The following MAP3K20 variants were observed in gnomAD, a reference collection of about 807,000 sequenced individuals.
MAP3K20 encodes the protein mitogen-activated protein kinase kinase kinase 20, also known as HCCS-4.
In MAP3K20, 40 loss-of-function variants were observed where a neutral mutation model predicts 85.7. The observed-to-expected ratio is 0.47, with a 90% CI of 0.36 to 0.61. The LOEUF (loss-of-function observed/expected upper bound fraction) is 0.61, where lower values mean the gene tolerates loss of function less well. MAP3K20 is among the 20% of genes least tolerant of loss of function. The probability of loss-of-function intolerance (pLI) is 0.00; values close to 1 mark genes in which losing one functional copy is unlikely to be tolerated. For synonymous variants in MAP3K20, 325 were observed against 327.7 expected (o/e 0.99, Z 0.09); for missense variants, 817 against 961.7 (o/e 0.85, Z 1.99).
chr2:173,120,968 A>G (rs1026397323), intron 2 of MAP3K20, among the ~76,000 whole-genome samples: 1 of 151,654 alleles, frequency 6.6e-6, no homozygotes. Flanking sequence ...CAGCCTCCCA[A>G]AGTGCTGGGA....
chr2:173,119,526 A>C (rs1434829044), intron 2 of MAP3K20, among the ~76,000 whole-genome samples: 1 of 152,188 alleles, frequency 6.6e-6, no homozygotes, highest in Non-Finnish European at 1.5e-5. Context: ...CTGTATTGAC[A>C]CAGGTTAACA....
chr2:173,133,355 T>C (rs1403479542), intron 2 of MAP3K20, among the ~76,000 whole-genome samples: 1 of 152,188 alleles, frequency 6.6e-6, no homozygotes, highest in Non-Finnish European at 1.5e-5. Flanking sequence ...GAAGAAGCTT[T>C]CTCACAATAA....
intron 2 of MAP3K20, among the ~76,000 whole-genome samples, chr2:173,092,167 G>A (rs958415651): frequency 1.3e-5 from 2 of 152,148 alleles, no homozygotes; most frequent in African/African-American, 2.4e-5. Context: ...GTGTAATTGT[G>A]TGATCACCAG....
intron 10 of MAP3K20, chr2:173,210,463 G>T (rs1360132846): frequency 6.6e-6 from 1 of 152,484 alleles, no homozygotes; most frequent in East Asian, 1.9e-4. Context: ...TAAGAAACAA[G>T]AATACTGTTT....
chr2:173,221,690 T>G, intron 11 of MAP3K20: 1 of 1,322,084 alleles, frequency 7.6e-7, no homozygotes, highest in Non-Finnish European at 9.7e-7. Flanking sequence ...AATTCTACTT[T>G]TATTTTTGCT....
In MAP3K20 at chr2:173,133,549, A is replaced by G. The variant is rs925810069; in HGVS notation, c.160-36256A>G. Among the ~76,000 whole-genome samples the G allele has an allele frequency of 2.0e-5, 3 of 152,286 alleles. No homozygotes were observed. The East Asian group carries it at 5.8e-4, about 29-fold the overall frequency. On this transcript the variant is annotated intron_variant, in intron 2 of 19. Coordinates refer to ENST00000375213, the MANE Select transcript of MAP3K20 (RefSeq NM_016653.3). ...GCATACCTTCAGAGAATATGAAGGT[A>G]TGCTGTATAACATTATAGTATGTTT...
intron 1 of MAP3K20, among the ~76,000 whole-genome samples, chr2:173,082,779 A>G (rs1687046693): frequency 1.3e-5 from 2 of 152,210 alleles, no homozygotes; most frequent in Non-Finnish European, 2.9e-5. Flanking sequence ...ACTCAACACA[A>G]CAAGCCCACG....
At chr2:173,111,236 A>C (rs928688904) in intron 2 of MAP3K20, among the ~76,000 whole-genome samples, 2 of 152,122 alleles carry the variant, frequency 1.3e-5, no homozygotes, top group Non-Finnish European at 2.9e-5. Flanking sequence ...TCTTCTTTTG[A>C]GAATTGTCTA....
chr2:173,170,834 A>G (rs1050100680), intron 3 of MAP3K20, among the ~76,000 whole-genome samples: 4 of 152,220 alleles, frequency 2.6e-5, no homozygotes, highest in African/African-American at 9.6e-5. Flanking sequence ...TCACCTAGCT[A>G]GTGGTAGAAC....
At chr2:173,119,204 G>A (rs1559238727) in intron 2 of MAP3K20, among the ~76,000 whole-genome samples, 3 of 152,244 alleles carry the variant, frequency 2.0e-5, no homozygotes, top group African/African-American at 4.8e-5. Context: ...TGGAGAAGGT[G>A]TGTTTGCAGC....
chr2:173,183,324 A>G (rs1277070263), intron 4 of MAP3K20, among the ~76,000 whole-genome samples: 1 of 152,210 alleles, frequency 6.6e-6, no homozygotes, highest in Non-Finnish European at 1.5e-5. Flanking sequence ...GTATCCAGAA[A>G]ACATGATTTA....
In MAP3K20 at chr2:173,198,375, C is replaced by G. The variant is rs1690920373; in HGVS notation, c.669+263C>G. The G allele has an allele frequency of 4.3e-6, 1 of 232,748 alleles. No homozygotes were observed. Among genetic ancestry groups the G allele is most frequent in the East Asian group, 1.1e-4 (1 of 9,390 alleles). The allele number at this position is 232,748 out of a possible 1,614,324, so 14.4% of individuals were successfully genotyped here. ...AGTTTCTCAGTCTCAATTGTAAAAC[C>G]TAGGGGTTTGTTCTTAGTGATGAAA... On this transcript the variant is annotated intron_variant, in intron 8 of 19. Coordinates refer to ENST00000375213, the MANE Select transcript of MAP3K20 (RefSeq NM_016653.3). This position sits in a 1 kb window ranked among gnomAD's most constrained non-coding sequence, Gnocchi z 5.8.
At chr2:173,162,017 C>A (rs1459028908) in intron 2 of MAP3K20, among the ~76,000 whole-genome samples, 1 of 152,022 alleles carries the variant, frequency 6.6e-6, no homozygotes, top group African/African-American at 2.4e-5. Flanking sequence ...TATAACATGC[C>A]TGTACTGCTT....
intron 2 of MAP3K20, among the ~76,000 whole-genome samples, chr2:173,143,864 A>T (rs562079796): frequency 6.6e-6 from 1 of 152,326 alleles, no homozygotes; most frequent in African/African-American, 2.4e-5. Flanking sequence ...ATATACTAGC[A>T]GCAAAGATTT....
At chr2:173,105,395 C>T (rs1687756781) in intron 2 of MAP3K20, among the ~76,000 whole-genome samples, 1 of 152,076 alleles carries the variant, frequency 6.6e-6, no homozygotes, top group Non-Finnish European at 1.5e-5. Context: ...TGCGTGGGCG[C>T]AAGGGAAATC....
intron 11 of MAP3K20, among the ~76,000 whole-genome samples, chr2:173,220,067 C>A (rs868544535): frequency 7.6e-4 from 87 of 114,184 alleles, no homozygotes; most frequent in Middle Eastern, 4.9e-3. Context: ...GACTCTGTCT[C>A]AAAAAAAAAA....
At chr2:173,193,320 C>T (rs943814644) in intron 7 of MAP3K20, among the ~76,000 whole-genome samples, 21 of 152,200 alleles carry the variant, frequency 1.4e-4, no homozygotes, top group African/African-American at 4.6e-4. Flanking sequence ...AGTCCACACA[C>T]ATACAGTGCT....
rs1274506085 is a variant in MAP3K20, at chr2:173,232,456, C to T, written c.1200C>T (p.Phe400=). 6.2e-7 allele frequency: 1 copy of T among 1,612,094 alleles called. No homozygotes were observed. The highest frequency in any genetic ancestry group is 1.1e-5 in the South Asian group (1 of 90,444). ...TCTCCAAGGGGCATATCATTCACTT[C>T]AAGGTACCTGAGAAAGGGACAACAT... The part of the protein sequence containing the change: ...GIVSKGHIIH[F]KSAIEKLTHD... The change falls in exon 14 of 20, where the codon TTC becomes TTT. Residue 400 remains phenylalanine (F), a synonymous_variant. Coordinates refer to ENST00000375213, the MANE Select transcript of MAP3K20 (RefSeq NM_016653.3).
chr2:173,114,803 G>C (rs533387122), intron 2 of MAP3K20, among the ~76,000 whole-genome samples: 3 of 152,258 alleles, frequency 2.0e-5, no homozygotes, highest in South Asian at 2.1e-4. Context: ...TTCCTTTATA[G>C]GTTACCTAGT....
Sources: allele counts gnomAD v4.1 joint callset (sites outside exome capture counted in the v4.1 genomes callset), GRCh38; gene constraint gnomAD v4.1.1; non-coding constraint Gnocchi (gnomAD v3.1); transcripts MANE v1.5; gene names NCBI Gene and HGNC (gene_info 2026-07-23, HGNC 2026-07-21).